The following ROPN1L variants were observed in gnomAD, a reference collection of about 807,000 sequenced individuals.
ROPN1L encodes rhophilin associated tail protein 1 like.
ROPN1L carries 23 observed loss-of-function variants against 22.7 expected under a neutral mutation model. The ratio of observed to expected loss-of-function variants is 1.01; its 90% CI spans 0.73 to 1.43. ROPN1L has a LOEUF of 1.43. Among genes scored for constraint, ROPN1L ranks in the 40% most tolerant of loss-of-function variants. The probability of loss-of-function intolerance (pLI) is 0.00; values close to 1 mark genes in which losing one functional copy is unlikely to be tolerated. For synonymous variants in ROPN1L, 116 were observed against 117.8 expected (o/e 0.98, Z 0.10); for missense variants, 271 against 291.5 (o/e 0.93, Z 0.51).
chr5:10,468,167 A>C (rs1561180758), downstream of ROPN1L, among the ~76,000 whole-genome samples: 1 of 152,206 alleles, frequency 6.6e-6, no homozygotes, highest in Non-Finnish European at 1.5e-5. Flanking sequence ...GTTGACTGTC[A>C]CCATTGGGGC....
At chr5:10,469,481 C>T (rs151301952), downstream of ROPN1L, among the ~76,000 whole-genome samples, 6 of 151,988 alleles carry the variant, frequency 3.9e-5, no homozygotes, top group South Asian at 2.1e-4. Flanking sequence ...AGTGAGATCC[C>T]GTCTCAAAAA....
Position 10,461,358 on chromosome 5 carries a change from A to G in ROPN1L, c.592A>G (p.Ile198Val). The G allele has an allele frequency of 1.9e-6, 3 of 1,612,708 alleles. No individual in the cohort carries two copies. The highest frequency in any genetic ancestry group is 2.5e-6 in the Non-Finnish European group (3 of 1,178,824). Residue 198 changes from isoleucine to valine, a missense_variant and splice_region_variant, in exon 4 of 5, where the codon ATA becomes GTA. Transcript: ENST00000274134. ...ESYLASLKEN[I>V]DARKNGMIGL... is the part of the protein sequence containing the mutation. ...CTACCTTGCCTCTCTAAAGGAAAAT[A>G]TGTAAGTATGCACCCTCTCTAGGAT...
intron 1 of ROPN1L, among the ~76,000 whole-genome samples, chr5:10,443,419 G>A (rs1032384165): frequency 9.2e-5 from 14 of 151,616 alleles, no homozygotes; most frequent in Non-Finnish European, 4.4e-5. Context: ...TCAGGAGATC[G>A]AGACCATCCT....
At chr5:10,460,753 C>T (rs1489238893) in intron 3 of ROPN1L, among the ~76,000 whole-genome samples, 2 of 152,198 alleles carry the variant, frequency 1.3e-5, no homozygotes, top group Admixed American at 6.5e-5. Context: ...GCATGCAGGC[C>T]GTTGGCTGCC....
chr5:10,482,330 C>T, the ROPN1L span: 1 of 152,128 alleles, frequency 6.6e-6, no homozygotes, highest in African/African-American at 2.4e-5. Flanking sequence ...TAAACCTTTT[C>T]GAATGCTACT....
intron 3 of ROPN1L, 129 bp from the exon 4 acceptor site, chr5:10,461,055 A>G: frequency 1.3e-6 from 1 of 767,184 alleles, no homozygotes; most frequent in South Asian, 1.9e-5. Context: ...CTCAGTTCAG[A>G]TGGAGCACAT....
chr5:10,457,529 T>C (rs1253342038), intron 3 of ROPN1L, among the ~76,000 whole-genome samples: 1 of 152,216 alleles, frequency 6.6e-6, no homozygotes, highest in Non-Finnish European at 1.5e-5. Context: ...GCTGAGCCCC[T>C]CTGGGCCTGG....
chr5:10,480,081 A>C, the ROPN1L span, among the ~76,000 whole-genome samples: 1 of 152,354 alleles, frequency 6.6e-6, no homozygotes, highest in East Asian at 1.9e-4. Context: ...AAGACAAAAA[A>C]TAACCCATGT....
At chr5:10,468,927 G>A (rs911027323), downstream of ROPN1L, among the ~76,000 whole-genome samples, 2 of 152,224 alleles carry the variant, frequency 1.3e-5, no homozygotes, top group African/African-American at 4.8e-5. Flanking sequence ...AGGCCAAGGT[G>A]GGTGGATTAC....
the ROPN1L span, among the ~76,000 whole-genome samples, chr5:10,480,046 C>A: frequency 1.3e-5 from 2 of 152,152 alleles, no homozygotes; most frequent in Non-Finnish European, 2.9e-5. Flanking sequence ...GCCCAGCCAA[C>A]ATGTCAACTC....
downstream of ROPN1L, among the ~76,000 whole-genome samples, chr5:10,465,806 C>A (rs1181173231): frequency 6.6e-6 from 1 of 152,232 alleles, no homozygotes; most frequent in South Asian, 2.1e-4. Context: ...GAGCCGAGAT[C>A]GCGCCACTGC....
rs762148367 is a variant in ROPN1L, at chr5:10,464,962, C to A, written c.*15C>A. 4.8e-6 allele frequency: 7 copies of A among 1,444,656 alleles called. No homozygotes were observed. The African/African-American group carries it at 7.1e-5, about 15-fold the overall frequency. The allele number at this position is 1,444,656 out of a possible 1,614,324, so 89.5% of individuals were successfully genotyped here. ...TAGGCCATTAATACAGAGAAGAATACATTTTAATGTCAAAATAGTGCTCTT... is the reference window on the plus strand; with the variant it reads ...TAGGCCATTAATACAGAGAAGAATAAATTTTAATGTCAAAATAGTGCTCTT... On this transcript the variant is annotated 3_prime_UTR_variant, in exon 5 of 5. Coordinates refer to ENST00000274134, the MANE Select transcript of ROPN1L (RefSeq NM_031916.5).
downstream of ROPN1L, among the ~76,000 whole-genome samples, chr5:10,466,345 G>A (rs1222757427): frequency 6.6e-6 from 1 of 152,134 alleles, no homozygotes; most frequent in African/African-American, 2.4e-5. Context: ...GAGGTGATGG[G>A]GAGGGGAAAT....
intron 1 of ROPN1L, among the ~76,000 whole-genome samples, chr5:10,446,094 C>A (rs965577809): frequency 1.3e-5 from 2 of 152,202 alleles, no homozygotes; most frequent in African/African-American, 4.8e-5. Context: ...CCTTATGACA[C>A]CATTGTGCAG....
At chr5:10,455,874 C>G (rs1741406954) in intron 3 of ROPN1L, among the ~76,000 whole-genome samples, 1 of 22,482 alleles carries the variant, frequency 4.4e-5, no homozygotes, top group Admixed American at 3.8e-4. Context: ...GTCAGAGGCA[C>G]AGCTTCACTG....
At chr5:10,461,754 A>G (rs1010974295) in intron 4 of ROPN1L, among the ~76,000 whole-genome samples, 9 of 152,220 alleles carry the variant, frequency 5.9e-5, no homozygotes, top group Non-Finnish European at 1.2e-4. Context: ...CCTTGGGTCA[A>G]TTAATTTGCT....
intron 4 of ROPN1L, among the ~76,000 whole-genome samples, chr5:10,462,691 C>T (rs895117916): frequency 4.6e-5 from 7 of 151,980 alleles, no homozygotes; most frequent in Non-Finnish European, 7.4e-5. Flanking sequence ...ATCAGGAGTT[C>T]GAGACCAGCC....
chr5:10,481,306 C>T, the ROPN1L span, among the ~76,000 whole-genome samples: 105,561 of 152,158 alleles, frequency 0.69, 37,617 homozygotes, highest in Middle Eastern at 0.77. Flanking sequence ...GGAGGGGCCA[C>T]GCTGAGCTAT....
At chr5:10,444,325 T>C (rs1316052738) in intron 1 of ROPN1L, among the ~76,000 whole-genome samples, 2 of 152,114 alleles carry the variant, frequency 1.3e-5, no homozygotes, top group East Asian at 1.9e-4. Flanking sequence ...AGTTTCACTC[T>C]TGTTGCCCAG....
Sources: gnomAD v4.1 joint callset for allele counts (sites outside exome capture counted in the v4.1 genomes callset) on GRCh38, gnomAD v4.1.1 for gene constraint, MANE v1.5 for transcripts, NCBI Gene and HGNC (gene_info 2026-07-23, HGNC 2026-07-21) for gene names.